Variants in APCDD1L observed in about 807,000 individuals in gnomAD.
APCDD1L encodes the protein protein APCDD1-like.
A neutral mutation model predicts 24.2 loss-of-function variants in APCDD1L; 21 were observed. The ratio of observed to expected loss-of-function variants is 0.87; its 90% confidence interval spans 0.61 to 1.25. APCDD1L has a LOEUF of 1.25. APCDD1L is among the 50% of genes most tolerant of loss of function. The pLI is 0.00. For synonymous variants in APCDD1L, 321 were observed against 323.6 expected, an observed-to-expected ratio of 0.99 and a Z score of 0.09; for missense variants, 704 against 711.7, an observed-to-expected ratio of 0.99 and a Z score of 0.12.
chr20:58,514,169 G>A (rs989076075), intron 1 of APCDD1L, among the ~76,000 whole-genome samples: 4 of 152,172 alleles, frequency 2.6e-5, no homozygotes, highest in African/African-American at 9.7e-5. Context: ...CGAGCCTGGG[G>A]TCACTGCGCG....
intron 1 of APCDD1L, among the ~76,000 whole-genome samples, chr20:58,475,375 AG>A (rs1463038637): frequency 1.3e-5 from 2 of 152,152 alleles, no homozygotes; most frequent in Non-Finnish European, 2.9e-5. Flanking sequence ...TCGGTTTTAG[AG>A]GGTGTTAAAA....
intron 1 of APCDD1L, among the ~76,000 whole-genome samples, chr20:58,512,493 C>T (rs1990646442): frequency 6.6e-6 from 1 of 152,200 alleles, no homozygotes; most frequent in South Asian, 2.1e-4. Flanking sequence ...ATGCACAGGA[C>T]GGGCCCCTCA....
chr20:58,512,352 C>T (rs1263645509), intron 1 of APCDD1L, among the ~76,000 whole-genome samples: 1 of 152,222 alleles, frequency 6.6e-6, no homozygotes, highest in East Asian at 1.9e-4. Context: ...ACCAGTGATT[C>T]TCAACTGGGG....
chr20:58,481,731 C>A (rs1990029751), intron 1 of APCDD1L, among the ~76,000 whole-genome samples: 2 of 152,182 alleles, frequency 1.3e-5, no homozygotes, highest in Non-Finnish European at 2.9e-5. Context: ...CTCACCCCGC[C>A]GGCTCCAGCT....
chr20:58,480,326 G>A (rs936327452), intron 1 of APCDD1L, among the ~76,000 whole-genome samples: 3 of 152,188 alleles, frequency 2.0e-5, no homozygotes, highest in Non-Finnish European at 4.4e-5. Context: ...CAGTCAAGGG[G>A]TACCTGGCAG....
chr20:58,486,662 C>T (rs540016736), intron 1 of APCDD1L, among the ~76,000 whole-genome samples: 46 of 152,110 alleles, frequency 3.0e-4, no homozygotes, highest in Non-Finnish European at 5.0e-4. Flanking sequence ...AACACTTGAC[C>T]CTGCAAAGCA....
intron 1 of APCDD1L, among the ~76,000 whole-genome samples, chr20:58,513,204 T>G (rs1990663889): frequency 6.6e-6 from 1 of 152,182 alleles, no homozygotes; most frequent in Non-Finnish European, 1.5e-5. Flanking sequence ...TTCCCCATCC[T>G]GTCCTCCCTA....
chr20:58,480,212 A>G (rs1196895825), intron 1 of APCDD1L, among the ~76,000 whole-genome samples: 1 of 152,120 alleles, frequency 6.6e-6, no homozygotes, highest in Non-Finnish European at 1.5e-5. Flanking sequence ...ATATGCTCTA[A>G]ACAAAGCACC....
chr20:58,475,025 G>A (rs1014841483), intron 1 of APCDD1L, among the ~76,000 whole-genome samples: 2 of 152,154 alleles, frequency 1.3e-5, no homozygotes, highest in Non-Finnish European at 2.9e-5. Context: ...TCCTAGATGG[G>A]TGTGGTTATT....
At chr20:58,484,724 C>T (rs1200990824) in intron 1 of APCDD1L, among the ~76,000 whole-genome samples, 5 of 152,006 alleles carry the variant, frequency 3.3e-5, no homozygotes, top group South Asian at 2.1e-4. Flanking sequence ...TCAGGGAGGC[C>T]GGTGCCCTAA....
At chr20:58,514,236 C>T (rs1990691379) in intron 1 of APCDD1L, among the ~76,000 whole-genome samples, 2 of 152,184 alleles carry the variant, frequency 1.3e-5, no homozygotes, top group South Asian at 4.1e-4. Flanking sequence ...CCGCACAGGT[C>T]AGGATTCCGT....
intron 1 of APCDD1L, among the ~76,000 whole-genome samples, chr20:58,476,723 T>A (rs79160933): frequency 0.019 from 2,957 of 152,324 alleles, 35 homozygotes; most frequent in Middle Eastern, 0.048. Context: ...AGCTTTCTTG[T>A]GTAGCCTCGA....
rs78418340 is a variant in APCDD1L, at chr20:58,461,062, C to T, written c.1234G>A (p.Glu412Lys). Residue 412 changes from glutamate (E) to lysine (K), a missense_variant, in exon 4 of 4, where the codon GAG becomes AAG. Coordinates refer to ENST00000371149, the MANE Select transcript of APCDD1L (RefSeq NM_153360.3). This position sits in a 1 kb window ranked among gnomAD's most constrained non-coding sequence, Gnocchi z 6.0. ...LGIRLPHVEY[E>K]LFKMEQDPLG... ...GGGTCTTGTTCCATCTTGAAAAGCT[C>T]GTACTCCACATGCGGGAGCCGGATG... 58 of 1,613,968 alleles carry T rather than the reference C, an allele frequency of 3.6e-5. 1 individual carries two copies. The highest frequency in any genetic ancestry group is 1.3e-4 in the East Asian group (6 of 44,884).
At chr20:58,512,609 G>A (rs1990648658) in intron 1 of APCDD1L, among the ~76,000 whole-genome samples, 1 of 152,084 alleles carries the variant, frequency 6.6e-6, no homozygotes, top group Admixed American at 6.6e-5. Context: ...TGGCTGGTGT[G>A]CCATTATATA....
At chr20:58,468,179 T>G (rs1317987143) in intron 2 of APCDD1L, among the ~76,000 whole-genome samples, 2 of 152,158 alleles carry the variant, frequency 1.3e-5, no homozygotes, top group Non-Finnish European at 2.9e-5. Flanking sequence ...GGCTGAGTAA[T>G]AAATATTTTT....
chr20:58,489,545 G>A (rs1272261510), intron 1 of APCDD1L, among the ~76,000 whole-genome samples: 1 of 151,998 alleles, frequency 6.6e-6, no homozygotes, highest in Non-Finnish European at 1.5e-5. Flanking sequence ...TTAGCTGGGT[G>A]TGGTGGCGGG....
intron 1 of APCDD1L, among the ~76,000 whole-genome samples, chr20:58,489,695 A>G (rs1046916456): frequency 4.6e-5 from 7 of 152,040 alleles, no homozygotes; most frequent in African/African-American, 1.7e-4. Context: ...GAAAAAAAAA[A>G]AAAAGAAAAG....
chr20:58,493,473 G>T (rs1990262779), intron 1 of APCDD1L, among the ~76,000 whole-genome samples: 2 of 152,180 alleles, frequency 1.3e-5, no homozygotes. Context: ...TAGAAGAAGA[G>T]AAAAATAACT....
chr20:58,510,675 T>C lies in APCDD1L; in HGVS notation c.49+3984A>G, dbSNP rs116710414. On this transcript the variant is annotated intron_variant, in intron 1 of 3. Transcript: ENST00000371149. Reference sequence around the variant, plus strand: ...AGCTCACCCTACTCCAGCAGTGAGCTCTGTCATCATCCCCATTCTGCAGAT... The same window carrying C: ...AGCTCACCCTACTCCAGCAGTGAGCCCTGTCATCATCCCCATTCTGCAGAT... Among the ~76,000 whole-genome samples the C allele has an allele frequency of 7.7e-3, 1,166 of 152,268 alleles. 11 individuals carry two copies. The highest frequency in any genetic ancestry group is 0.027 in the African/African-American group (1,115 of 41,550).
Sources: allele counts gnomAD v4.1 joint callset (sites outside exome capture counted in the v4.1 genomes callset), GRCh38; gene constraint gnomAD v4.1.1; non-coding constraint Gnocchi (gnomAD v3.1); transcripts MANE v1.5; gene names NCBI Gene and HGNC (gene_info 2026-07-23, HGNC 2026-07-21).